CATSPERB: variants seen among roughly 807,000 people sequenced by gnomAD.
The protein encoded by CATSPERB is cation channel sperm-associated auxiliary subunit beta.
CATSPERB carries 93 observed loss-of-function variants against 128.3 expected under a neutral mutation model. The observed-to-expected ratio is 0.72, with a 90% CI of 0.61 to 0.86. The LOEUF is 0.86. CATSPERB is among the 40% of genes least tolerant of loss of function. CATSPERB has a pLI of 0.00. For synonymous variants in CATSPERB, 381 were observed against 448.8 expected (o/e 0.85, Z 1.91); for missense variants, 1,153 against 1,329.5 (o/e 0.87, Z 2.06).
At chr14:91,717,496 C>A (rs1279187415) in intron 5 of CATSPERB, among the ~76,000 whole-genome samples, 1 of 152,164 alleles carries the variant, frequency 6.6e-6, no homozygotes, top group Non-Finnish European at 1.5e-5. Flanking sequence ...TTCCATACAA[C>A]TCCATAGGCC....
At chr14:91,634,024 C>G (rs760164162) in intron 17 of CATSPERB, among the ~76,000 whole-genome samples, 3 of 152,056 alleles carry the variant, frequency 2.0e-5, no homozygotes, top group Non-Finnish European at 4.4e-5. Flanking sequence ...GTTAGGGATG[C>G]CAACCTCCTG....
At chr14:91,697,103 G>T (rs879389527) in intron 7 of CATSPERB, among the ~76,000 whole-genome samples, 2 of 152,132 alleles carry the variant, frequency 1.3e-5, no homozygotes, top group Admixed American at 6.5e-5. Flanking sequence ...AGTACTGAGT[G>T]CCCACTTAAG....
intron 11 of CATSPERB, among the ~76,000 whole-genome samples, chr14:91,681,443 G>C (rs1472997): frequency 0.4 from 61,312 of 152,030 alleles, 12,751 homozygotes; most frequent in Non-Finnish European, 0.46. Context: ...TGTCAAGAAA[G>C]TAATTTGACT....
At chr14:91,696,346 G>T (rs1042723488) in intron 7 of CATSPERB, among the ~76,000 whole-genome samples, 1 of 152,208 alleles carries the variant, frequency 6.6e-6, no homozygotes, top group African/African-American at 2.4e-5. Context: ...TATCAAGAAA[G>T]CTAAAAGAAG....
At chr14:91,611,984 T>C (rs896408401) in intron 20 of CATSPERB, among the ~76,000 whole-genome samples, 1 of 152,038 alleles carries the variant, frequency 6.6e-6, no homozygotes. Context: ...TTTGATGATA[T>C]AAATAAAATA....
chr14:91,591,823 T>C, intron 23 of CATSPERB, 69 bp downstream of exon 23: 2 of 1,051,040 alleles, frequency 1.9e-6, no homozygotes, highest in Non-Finnish European at 3.0e-6. Context: ...ATGTTTAACC[T>C]AAAGGCACAT....
At chr14:91,714,265 A>G (rs1229909756) in intron 5 of CATSPERB, among the ~76,000 whole-genome samples, 3 of 133,270 alleles carry the variant, frequency 2.3e-5, no homozygotes, top group Non-Finnish European at 1.6e-5. Flanking sequence ...AGGTCCTACC[A>G]GTACAATAAG....
intron 7 of CATSPERB, among the ~76,000 whole-genome samples, chr14:91,700,549 T>C (rs1895629818): frequency 6.6e-6 from 1 of 152,246 alleles, no homozygotes; most frequent in South Asian, 2.1e-4. Context: ...GGGCTTTTTT[T>C]TGTTCATAGG....
At chr14:91,661,334 T>TA (rs1894878002) in intron 14 of CATSPERB, among the ~76,000 whole-genome samples, 1 of 152,042 alleles carries the variant, frequency 6.6e-6, no homozygotes, top group South Asian at 2.1e-4. Context: ...GTCTCCAACT[T>TA]ATGGATATAC....
rs140296746 is a variant in CATSPERB at position 91,622,448 on chromosome 14, G to A, written c.1931-511C>T. Among the ~76,000 whole-genome samples, 808 of 152,226 alleles carry A rather than the reference G, an allele frequency of 5.3e-3. 1 individual carries two copies. The highest frequency in any genetic ancestry group is 7.6e-3 in the African/African-American group (317 of 41,536). ...ACCTTAAGGAACATCATCATTTAAG[G>A]AATGGAAAGGGAAAAAGATCCTCTC... On this transcript the variant is annotated intron_variant, in intron 18 of 26. Transcript: ENST00000256343.
At chr14:91,713,376 A>G (rs551969261) in intron 5 of CATSPERB, among the ~76,000 whole-genome samples, 5 of 152,270 alleles carry the variant, frequency 3.3e-5, no homozygotes, top group Admixed American at 6.5e-5. Context: ...AAAACAATAT[A>G]CACAATTAAT....
Position 91,625,027 on chromosome 14 carries a change from T to C in CATSPERB, c.1743-20A>G, listed in dbSNP as rs189681518. 434 of 1,516,494 alleles carry C rather than the reference T, an allele frequency of 2.9e-4. 4 individuals are homozygous for C. The East Asian group carries it at 0.01, about 35-fold the overall frequency. 93.9% of individuals were successfully genotyped at this position (1,516,494 alleles called of 1,614,324 possible). ...GTTTTCCTAAAAACAAATAAAACCA[T>C]TAAGCAATTTGGATAAAACAGTGGA... On this transcript the variant is annotated intron_variant, in intron 17 of 26. Coordinates refer to ENST00000256343, the MANE Select transcript of CATSPERB (RefSeq NM_024764.4).
At chr14:91,599,065 G>A (rs1438304768) in intron 22 of CATSPERB, among the ~76,000 whole-genome samples, 1 of 151,960 alleles carries the variant, frequency 6.6e-6, no homozygotes. Flanking sequence ...CCAAATTTTG[G>A]GATATCAGGG....
chr14:91,650,873 G>C (rs1566718556), intron 15 of CATSPERB, among the ~76,000 whole-genome samples: 1 of 151,664 alleles, frequency 6.6e-6, no homozygotes, highest in Admixed American at 6.6e-5. Flanking sequence ...CCACTTATTT[G>C]TTCATTTTAC....
At chr14:91,599,680 C>T (rs987303365) in intron 22 of CATSPERB, among the ~76,000 whole-genome samples, 1 of 151,956 alleles carries the variant, frequency 6.6e-6, no homozygotes, top group African/African-American at 2.4e-5. Flanking sequence ...TTTAGGGAGA[C>T]ATGAGACGTC....
chr14:91,632,824 C>G (rs565341045), intron 17 of CATSPERB, among the ~76,000 whole-genome samples: 1 of 151,662 alleles, frequency 6.6e-6, no homozygotes, highest in African/African-American at 2.4e-5. Context: ...AAAACACACA[C>G]ACACACACAC....
intron 20 of CATSPERB, among the ~76,000 whole-genome samples, chr14:91,616,733 CTTTTTTTTTTTT>C (rs1555360386): frequency 1.2e-5 from 1 of 84,482 alleles, no homozygotes; most frequent in Non-Finnish European, 2.2e-5. Context: ...AAGTATTCCC[CTTTTTTTTTTTT>C]TTTTTTTTTT....
intron 11 of CATSPERB, among the ~76,000 whole-genome samples, chr14:91,683,448 A>G (rs1329141585): frequency 6.6e-6 from 1 of 152,212 alleles, no homozygotes; most frequent in Non-Finnish European, 1.5e-5. Flanking sequence ...TAGCCTTGAA[A>G]GCATACTTTG....
intron 7 of CATSPERB, among the ~76,000 whole-genome samples, chr14:91,702,228 A>T (rs1192529853): frequency 1.3e-5 from 2 of 151,892 alleles, no homozygotes; most frequent in East Asian, 2.0e-4. Flanking sequence ...GAGGAGGAGG[A>T]GGTCCTGGCT....
Sources: allele counts gnomAD v4.1 joint callset (sites outside exome capture counted in the v4.1 genomes callset), GRCh38; gene constraint gnomAD v4.1.1; transcripts MANE v1.5; gene names NCBI Gene and HGNC (gene_info 2026-07-23, HGNC 2026-07-21).